C9orf85: variants seen among roughly 807,000 people sequenced by gnomAD.
The protein encoded by C9orf85 is chromosome 9 open reading frame 85, also known as uncharacterized protein C9orf85.
C9orf85 carries 16 observed loss-of-function variants against 14.9 expected under a neutral mutation model. The observed-to-expected ratio is 1.08, with a 90% CI of 0.73 to 1.63. The LOEUF is 1.63. Ranked by LOEUF, C9orf85 falls within the 40% of genes most tolerant of loss-of-function variation. C9orf85 has a pLI of 0.00. For synonymous variants in C9orf85, 45 were observed against 56.8 expected (o/e 0.79, Z 0.93); for missense variants, 172 against 186.1 (o/e 0.92, Z 0.44).
At chr9:71,969,613 C>T (rs886184431) in intron 2 of C9orf85, among the ~76,000 whole-genome samples, 2 of 152,178 alleles carry the variant, frequency 1.3e-5, no homozygotes, top group Non-Finnish European at 2.9e-5. Context: ...CTTATTACAG[C>T]ACCCCTTTGT....
intron 1 of C9orf85, among the ~76,000 whole-genome samples, chr9:71,922,229 G>T (rs1027655867): frequency 6.6e-6 from 1 of 152,010 alleles, no homozygotes; most frequent in African/African-American, 2.4e-5. Context: ...ATGAGCCACC[G>T]TGCCTGGCTG....
intron 1 of C9orf85, among the ~76,000 whole-genome samples, chr9:71,935,197 G>A (rs1169354488): frequency 6.6e-6 from 1 of 152,124 alleles, no homozygotes; most frequent in Admixed American, 6.6e-5. Flanking sequence ...CTGGATAACA[G>A]CATGGTGGCT....
chr9:71,972,687 T>A lies in C9orf85; in HGVS notation c.324-5T>A. The A allele has an allele frequency of 6.4e-7, 1 of 1,565,448 alleles. No homozygotes were observed. The highest frequency in any genetic ancestry group is 8.7e-7 in the Non-Finnish European group (1 of 1,149,490). Reference sequence around the variant, plus strand: ...ATAAATAGAAATTTTTTCTTTCATCTTTAGGTTGAATAAAGAAACAGAAAA... The same window carrying A: ...ATAAATAGAAATTTTTTCTTTCATCATTAGGTTGAATAAAGAAACAGAAAA... On this transcript the variant is annotated splice_region_variant and splice_polypyrimidine_tract_variant and intron_variant, in intron 3 of 3. Transcript: ENST00000334731.
intron 1 of C9orf85, among the ~76,000 whole-genome samples, chr9:71,932,395 CTCCTGAG>C (rs1203034567): frequency 6.6e-6 from 1 of 152,168 alleles, no homozygotes; most frequent in Non-Finnish European, 1.5e-5. Flanking sequence ...ACAACAGAAA[CTCCTGAG>C]TTATAAAACC....
chr9:71,978,384 A>G (rs1823041286), downstream of C9orf85, among the ~76,000 whole-genome samples: 1 of 152,226 alleles, frequency 6.6e-6, no homozygotes, highest in Non-Finnish European at 1.5e-5. Context: ...TGCTGAGATT[A>G]CAGGCATGAG....
chr9:71,975,680 A>G (rs564514262), downstream of C9orf85, among the ~76,000 whole-genome samples: 33 of 151,166 alleles, frequency 2.2e-4, no homozygotes, highest in South Asian at 5.9e-3. Context: ...TAAAAACACA[A>G]AATTAACCAC....
chr9:71,977,336 A>C (rs2132373654), downstream of C9orf85, among the ~76,000 whole-genome samples: 1 of 152,354 alleles, frequency 6.6e-6, no homozygotes, highest in South Asian at 2.1e-4. Flanking sequence ...AGCAAGTTTT[A>C]TAACCCTATT....
At chr9:71,982,634 T>TC (rs1491086012) in intron 3 of C9orf85, 1 of 59,124 alleles carries the variant, frequency 1.7e-5, no homozygotes, top group African/African-American at 5.5e-4. Flanking sequence ...GTATATTTCT[T>TC]TTTTTTTTTT....
intron 2 of C9orf85, among the ~76,000 whole-genome samples, chr9:71,952,849 C>T (rs1466411355): frequency 7.1e-6 from 1 of 140,710 alleles, no homozygotes; most frequent in Non-Finnish European, 1.5e-5. Context: ...GTGAGAATCT[C>T]GAGCCTGCTT....
At chr9:71,981,785 A>G (rs1243379438) in intron 3 of C9orf85, among the ~76,000 whole-genome samples, 1 of 152,180 alleles carries the variant, frequency 6.6e-6, no homozygotes, top group Non-Finnish European at 1.5e-5. Context: ...TGGCCTGGAA[A>G]TGGTTGGGAA....
At chr9:71,917,563 G>A (rs934601917) in intron 1 of C9orf85, among the ~76,000 whole-genome samples, 12 of 152,254 alleles carry the variant, frequency 7.9e-5, no homozygotes, top group Admixed American at 2.0e-4. Flanking sequence ...ATCTATCAAC[G>A]GGAGAATATA....
intron 2 of C9orf85, among the ~76,000 whole-genome samples, chr9:71,967,836 A>C (rs1822739925): frequency 6.7e-6 from 1 of 150,264 alleles, no homozygotes; most frequent in Non-Finnish European, 1.5e-5. Context: ...GAAGGTATTC[A>C]GTCTTTCATC....
At chr9:71,946,962 C>A in intron 1 of C9orf85, 44 bp from the exon 2 acceptor site, 1 of 1,365,470 alleles carries the variant, frequency 7.3e-7, no homozygotes. Flanking sequence ...GCAATGCTGG[C>A]TCACGCGTGA....
chr9:71,982,628 A>ATTT, intron 3 of C9orf85: 1 of 297,138 alleles, frequency 3.4e-6, no homozygotes, highest in Non-Finnish European at 6.1e-6. Flanking sequence ...TAATTTGTAT[A>ATTT]TTTCTTTTTT....
At chr9:71,958,029 G>A (rs898746234) in intron 2 of C9orf85, among the ~76,000 whole-genome samples, 1 of 151,978 alleles carries the variant, frequency 6.6e-6, no homozygotes, top group Non-Finnish European at 1.5e-5. Flanking sequence ...GTAAAAGGTT[G>A]AAACCAGAAC....
chr9:71,923,987 G>A (rs538481628), intron 1 of C9orf85, among the ~76,000 whole-genome samples: 8 of 152,272 alleles, frequency 5.3e-5, no homozygotes, highest in South Asian at 2.1e-4. Context: ...GACAGATACA[G>A]GTACCCAGAT....
chr9:71,915,447 G>T (rs950120244), intron 1 of C9orf85, among the ~76,000 whole-genome samples: 3 of 151,918 alleles, frequency 2.0e-5, no homozygotes, highest in Admixed American at 2.0e-4. Context: ...AAGGTGCTGG[G>T]ATTACAGGTG....
At chr9:71,936,609 T>C (rs1313862028) in intron 1 of C9orf85, among the ~76,000 whole-genome samples, 1 of 152,208 alleles carries the variant, frequency 6.6e-6, no homozygotes, top group Non-Finnish European at 1.5e-5. Flanking sequence ...TATTATTTAC[T>C]ACGAGTGACT....
chr9:71,916,497 A>T (rs566282839), intron 1 of C9orf85, among the ~76,000 whole-genome samples: 6 of 152,242 alleles, frequency 3.9e-5, no homozygotes, highest in Admixed American at 3.9e-4. Flanking sequence ...TTCAACCAAA[A>T]CTTGCTTGGC....
Sources: allele counts gnomAD v4.1 joint callset (sites outside exome capture counted in the v4.1 genomes callset), GRCh38; gene constraint gnomAD v4.1.1; transcripts MANE v1.5; gene names NCBI Gene and HGNC (gene_info 2026-07-23, HGNC 2026-07-21).